RUFY1: variants seen among roughly 807,000 people sequenced by gnomAD.
The protein encoded by RUFY1 is RUN and FYVE domain containing 1, also known as RUN and FYVE domain-containing protein 1.
In RUFY1, 54 loss-of-function variants were observed where a neutral mutation model predicts 94.6. That is an observed-to-expected ratio of 0.57 (90% CI 0.46 to 0.72). The LOEUF (loss-of-function observed/expected upper bound fraction) is 0.72, where lower values mean the gene tolerates loss of function less well. RUFY1 is among the 30% of genes least tolerant of loss of function. RUFY1 has a pLI of 0.00. For missense variants in RUFY1, 883 were observed against 883.9 expected (o/e 1.00, Z 0.01); for synonymous variants, 396 against 347.3 (o/e 1.14, Z -1.56).
chr5:179,608,277 A>G (rs1339095508), intron 17 of RUFY1: 70 of 987,174 alleles, frequency 7.1e-5, no homozygotes, highest in Non-Finnish European at 8.2e-5. Flanking sequence ...GTCTGTTCCC[A>G]TCAACAGCCT....
intron 5 of RUFY1, 92 bp from the exon 6 acceptor site, chr5:179,576,983 G>T: frequency 1.1e-6 from 1 of 889,830 alleles, no homozygotes; most frequent in Admixed American, 1.9e-5. Flanking sequence ...TCATAGGAAA[G>T]AGATAAGAAT....
At chr5:179,552,400 T>G (rs1761911599) in intron 1 of RUFY1, among the ~76,000 whole-genome samples, 1 of 152,122 alleles carries the variant, frequency 6.6e-6, no homozygotes, top group Non-Finnish European at 1.5e-5. Context: ...ACCTTTGCTG[T>G]AGATGCACTG....
At chr5:179,562,462 T>C in intron 2 of RUFY1, 85 bp from the exon 3 acceptor site, 1 of 759,488 alleles carries the variant, frequency 1.3e-6, no homozygotes, top group Non-Finnish European at 2.3e-6. Context: ...TCACTTCCAC[T>C]TGGCTTTTGT....
chr5:179,583,947 A>G (rs1483740471), intron 7 of RUFY1, among the ~76,000 whole-genome samples: 4 of 150,148 alleles, frequency 2.7e-5, no homozygotes, highest in Non-Finnish European at 5.9e-5. Flanking sequence ...ACGGGGTTTC[A>G]CCGTGTTAGC....
intron 17 of RUFY1, 81 bp downstream of exon 17, chr5:179,607,740 A>T (rs189043969): frequency 1.6e-6 from 2 of 1,244,510 alleles, no homozygotes; most frequent in Non-Finnish European, 2.3e-6. Context: ...CCAGAAGCCC[A>T]TATCAGAGCA....
chr5:179,565,664 T>C (rs1762782053), intron 3 of RUFY1, among the ~76,000 whole-genome samples: 1 of 152,218 alleles, frequency 6.6e-6, no homozygotes, highest in Admixed American at 6.5e-5. Context: ...TATTCTGTTG[T>C]CTGTCTAATT....
Position 179,596,333 on chromosome 5 carries a change from A to G in RUFY1, c.1512-229A>G, listed in dbSNP as rs565314199. The G allele has an allele frequency of 4.8e-6, 3 of 623,754 alleles. No homozygotes were observed. The African/African-American group carries it at 5.5e-5, about 11-fold the overall frequency. The allele number at this position is 623,754 out of a possible 1,614,324, so 38.6% of individuals were successfully genotyped here. On this transcript the variant is annotated intron_variant, in intron 12 of 17. Coordinates refer to ENST00000319449, the MANE Select transcript of RUFY1 (RefSeq NM_025158.5). Reference sequence around the variant, plus strand: ...ATTACATTCTCAAAAAGCCAAAGCCATATTGTTGCAGGACAGATGAGTGGT... The same window carrying G: ...ATTACATTCTCAAAAAGCCAAAGCCGTATTGTTGCAGGACAGATGAGTGGT...
intron 12 of RUFY1, chr5:179,595,949 C>T (rs1236442919): frequency 6.4e-6 from 1 of 155,552 alleles, no homozygotes. Context: ...GGTGCAACCA[C>T]TCAGGAAAAC....
chr5:179,574,394 C>CA (rs568384882), intron 5 of RUFY1, among the ~76,000 whole-genome samples: 124 of 151,914 alleles, frequency 8.2e-4, no homozygotes, highest in African/African-American at 2.7e-3. Flanking sequence ...AACTCCGTCT[C>CA]AAAAAAAATA....
At chr5:179,607,413 G>A (rs544883330) in intron 16 of RUFY1, 169 bp from the exon 17 acceptor site, 30 of 635,892 alleles carry the variant, frequency 4.7e-5, no homozygotes, top group East Asian at 2.7e-4. Context: ...GCGGCCAGAC[G>A]GGGAAAGAGC....
intron 2 of RUFY1, 101 bp from the exon 3 acceptor site, chr5:179,562,446 C>T: frequency 1.4e-6 from 1 of 721,746 alleles, no homozygotes; most frequent in South Asian, 1.6e-5. Flanking sequence ...TGAAGTTTAG[C>T]AGCTTTCACT....
Position 179,609,359 on chromosome 5 carries a change from T to A in RUFY1, c.1984-17T>A, listed in dbSNP as rs1472225002. 6.2e-7 allele frequency: 1 copy of A among 1,611,870 alleles called. No homozygotes were observed. The highest frequency in any genetic ancestry group is 8.5e-7 in the Non-Finnish European group (1 of 1,179,164). ...TTTCCCCGGGTGTCCTGTGACCGCC[T>A]TCTTCCCGTCCTGTAGCACCACTGC... On this transcript the variant is annotated splice_polypyrimidine_tract_variant and intron_variant, in intron 17 of 17. Coordinates refer to ENST00000319449, the MANE Select transcript of RUFY1 (RefSeq NM_025158.5).
intron 8 of RUFY1, among the ~76,000 whole-genome samples, chr5:179,588,358 C>G (rs572526283): frequency 3.9e-5 from 6 of 152,298 alleles, no homozygotes; most frequent in Non-Finnish European, 8.8e-5. Flanking sequence ...CTGCACCTTC[C>G]TCTCTGCAAG....
At chr5:179,550,924 C>A in intron 1 of RUFY1, 45 bp downstream of exon 1, 3 of 1,048,108 alleles carry the variant, frequency 2.9e-6, no homozygotes, top group South Asian at 9.0e-5. Context: ...CGCGTGTCCC[C>A]GCTGGCCGCC....
chr5:179,589,853 T>C (rs1764900400), intron 9 of RUFY1, among the ~76,000 whole-genome samples: 1 of 152,236 alleles, frequency 6.6e-6, no homozygotes, highest in Non-Finnish European at 1.5e-5. Context: ...TCATGGCCTG[T>C]GGGCCTTTGC....
chr5:179,600,257 C>A (rs1766207937), intron 14 of RUFY1, among the ~76,000 whole-genome samples: 1 of 152,234 alleles, frequency 6.6e-6, no homozygotes, highest in Admixed American at 6.5e-5. Flanking sequence ...CCCCGCCACT[C>A]GGGCCCGAGC....
At chr5:179,589,797 C>G (rs1035167568) in intron 9 of RUFY1, 150 bp downstream of exon 9, 3 of 674,580 alleles carry the variant, frequency 4.4e-6, no homozygotes, top group South Asian at 1.6e-5. Flanking sequence ...CGGTCCCTGC[C>G]CACATCACTC....
At chr5:179,589,482 G>A (rs1318247282) in intron 8 of RUFY1, 64 bp from the exon 9 acceptor site, 2 of 1,058,310 alleles carry the variant, frequency 1.9e-6, no homozygotes, top group Admixed American at 3.6e-5. Context: ...CCAAATTAAT[G>A]TTTTTAATTT....
At chr5:179,579,745 C>T (rs1763967142) in intron 6 of RUFY1, among the ~76,000 whole-genome samples, 1 of 140,692 alleles carries the variant, frequency 7.1e-6, no homozygotes, top group African/African-American at 2.6e-5. Context: ...CTCACTGCAA[C>T]CTCTGCCTCC....
Sources: gnomAD v4.1 joint callset for allele counts (sites outside exome capture counted in the v4.1 genomes callset) on GRCh38, gnomAD v4.1.1 for gene constraint, MANE v1.5 for transcripts, NCBI Gene and HGNC (gene_info 2026-07-23, HGNC 2026-07-21) for gene names.